Variants in STAM2 observed in about 807,000 individuals in gnomAD.
STAM2 encodes signal transducing adapter molecule 2.
Under a neutral mutation model 65.6 loss-of-function variants are expected in STAM2, and 51 were observed. The observed-to-expected ratio is 0.78, with a 90% CI of 0.62 to 0.98. The LOEUF (loss-of-function observed/expected upper bound fraction) is 0.98. Among genes scored for constraint, STAM2 ranks in the 50% least tolerant of loss-of-function variants. STAM2 has a pLI of 0.00. For missense variants in STAM2, 584 were observed against 617.8 expected (o/e 0.95, Z 0.58); for synonymous variants, 198 against 208.4 (o/e 0.95, Z 0.43).
chr2:152,127,869 T>C (rs976445279), intron 11 of STAM2, among the ~76,000 whole-genome samples: 11 of 152,292 alleles, frequency 7.2e-5, no homozygotes, highest in Non-Finnish European at 1.5e-4. Context: ...AAGCAACCAC[T>C]TTTCATCTGG....
intron 1 of STAM2, among the ~76,000 whole-genome samples, chr2:152,159,477 C>T (rs1270953248): frequency 6.6e-6 from 1 of 152,000 alleles, no homozygotes; most frequent in Non-Finnish European, 1.5e-5. Flanking sequence ...AAACTAAATT[C>T]TTCAAAAATG....
chr2:152,126,362 GA>G lies in STAM2; in HGVS notation c.1042del (p.Ser348LeufsTer3), dbSNP rs1560209836. ...TTCCAGGACTTTAACATTCAATTCA[GA>G]CAATTCTGAATGCTTCCTGATGTAG... Reference protein sequence around the residue: ...EEIDRKHSELSELNVKVLEAL... With the variant: ...EEIDRKHSELXELNVKVLEAL... On this transcript the variant is annotated frameshift_variant, in exon 12 of 14. Coordinates refer to ENST00000263904, the MANE Select transcript of STAM2 (RefSeq NM_005843.6). LOFTEE classifies it high-confidence loss of function. The G allele has an allele frequency of 6.4e-7, 1 of 1,573,790 alleles. No homozygotes were observed. The highest frequency in any genetic ancestry group is 1.4e-5 in the African/African-American group (1 of 73,398).
chr2:152,128,615 G>C (rs1016612195), intron 11 of STAM2, among the ~76,000 whole-genome samples: 2 of 152,094 alleles, frequency 1.3e-5, no homozygotes, highest in Non-Finnish European at 1.5e-5. Context: ...CACAATCCCA[G>C]AGTAATAAGG....
chr2:152,143,064 T>C (rs1365994293), intron 7 of STAM2, among the ~76,000 whole-genome samples: 1 of 152,236 alleles, frequency 6.6e-6, no homozygotes, highest in African/African-American at 2.4e-5. Flanking sequence ...TCCCTTATTT[T>C]ATTCTAGGTT....
intron 7 of STAM2, among the ~76,000 whole-genome samples, chr2:152,141,538 A>T (rs1454444222): frequency 6.6e-6 from 1 of 151,660 alleles, no homozygotes; most frequent in Admixed American, 6.6e-5. Flanking sequence ...TGTCTCAAAT[A>T]AATAAATAAG....
At chr2:152,149,449 GT>G (rs1409076159) in intron 2 of STAM2, among the ~76,000 whole-genome samples, 63 of 150,128 alleles carry the variant, frequency 4.2e-4, no homozygotes, top group Non-Finnish European at 1.8e-4. Flanking sequence ...CCGAAAATCT[GT>G]GTATAACTTT....
At chr2:152,147,618 A>ATCATGGC in intron 4 of STAM2, among the ~76,000 whole-genome samples, 1 of 152,294 alleles carries the variant, frequency 6.6e-6, no homozygotes, top group Non-Finnish European at 1.5e-5. Context: ...CTGGATGTAA[A>ATCATGGC]TCATGGCTAT....
chr2:152,127,889 T>G (rs1158044249), intron 11 of STAM2, among the ~76,000 whole-genome samples: 1 of 152,086 alleles, frequency 6.6e-6, no homozygotes, highest in Non-Finnish European at 1.5e-5. Context: ...GCCTGAAACA[T>G]CCACAAGCCT....
chr2:152,141,677 G>A lies in STAM2; in HGVS notation c.704+2150C>T, dbSNP rs1014251930. 1.1e-4 allele frequency among the ~76,000 whole-genome samples: 16 copies of A among 151,142 alleles called. No homozygotes were observed. In the Middle Eastern group the frequency reaches 0.01, roughly 97 times the overall value. On this transcript the variant is annotated intron_variant, in intron 7 of 13. Transcript: ENST00000263904. ...ACGATCTCGGCTCACTGCAACCTCC[G>A]CCTCCCGGGTTCCAGCGATTCTCCT...
chr2:152,166,539 A>C (rs1689789480), intron 1 of STAM2, among the ~76,000 whole-genome samples: 1 of 152,204 alleles, frequency 6.6e-6, no homozygotes, highest in Non-Finnish European at 1.5e-5. Flanking sequence ...CAGAATGTCA[A>C]TAATTTTCAG....
chr2:152,153,180 A>G (rs760704367), intron 1 of STAM2, among the ~76,000 whole-genome samples: 1 of 152,188 alleles, frequency 6.6e-6, no homozygotes, highest in Non-Finnish European at 1.5e-5. Flanking sequence ...TTCTGCTAGT[A>G]TGGAGAGGTG....
At chr2:152,141,693 C>T (rs980323374) in intron 7 of STAM2, among the ~76,000 whole-genome samples, 6 of 151,536 alleles carry the variant, frequency 4.0e-5, no homozygotes, top group South Asian at 2.1e-4. Flanking sequence ...CGGGTTCCAG[C>T]GATTCTCCTG....
At chr2:152,148,451 C>G in intron 2 of STAM2, 151 bp from the exon 3 acceptor site, 1 of 634,162 alleles carries the variant, frequency 1.6e-6, no homozygotes, top group Non-Finnish European at 2.6e-6. Flanking sequence ...GGGAGGATCA[C>G]TTGAGCCCAT....
Position 152,123,748 on chromosome 2 carries a change from A to C in STAM2, c.1349+18T>G. The stretch of plus-strand genomic sequence containing the variant: ...GAAAATTAACACATATAAAATTAAC[A>C]CAGCTCCCAAAACTTACCTTAAATA... On this transcript the variant is annotated intron_variant, in intron 13 of 13. Transcript: ENST00000263904. 6.2e-7 allele frequency: 1 copy of C among 1,612,552 alleles called. No individual in the cohort carries two copies. The highest frequency in any genetic ancestry group is 8.5e-7 in the Non-Finnish European group (1 of 1,179,094).
chr2:152,159,140 T>C (rs559698695), intron 1 of STAM2, among the ~76,000 whole-genome samples: 2 of 134,182 alleles, frequency 1.5e-5, no homozygotes, highest in African/African-American at 5.7e-5. Flanking sequence ...ATTTTTTTTC[T>C]AAAGCAGAAA....
In STAM2 at chr2:152,126,290, G is replaced by A. The variant is rs556422738; in HGVS notation, c.1115C>T (p.Ser372Leu). ...NKLVNEAPVYSVYSKLHPPAH... is the reference protein window; with the variant it reads ...NKLVNEAPVYLVYSKLHPPAH... ...TGGAGGGTGGAGCTTTGAATAGACTGAGTACACTGGTGCTTCATTCACCAA... is the reference window on the plus strand; with the variant it reads ...TGGAGGGTGGAGCTTTGAATAGACTAAGTACACTGGTGCTTCATTCACCAA... The change falls in exon 12 of 14, where the codon TCA becomes TTA. Residue 372 changes from serine to leucine, a missense_variant. By Grantham distance (145) the Ser-to-Leu change is moderately radical. Transcript: ENST00000263904. 49 of 1,610,318 alleles carry A rather than the reference G, an allele frequency of 3.0e-5. 1 individual carries two copies. The South Asian group carries it at 3.3e-4, about 11-fold the overall frequency.
chr2:152,136,397 C>A (rs1689155194), intron 7 of STAM2, among the ~76,000 whole-genome samples: 1 of 151,458 alleles, frequency 6.6e-6, no homozygotes. Context: ...GAGCTGAAAT[C>A]ACGTCACTGC....
intron 7 of STAM2, among the ~76,000 whole-genome samples, chr2:152,141,580 T>TG (rs1689249005): frequency 1.3e-5 from 2 of 150,904 alleles, no homozygotes; most frequent in African/African-American, 4.9e-5. Flanking sequence ...GCTCAATGTT[T>TG]TTTTGTTTGT....
Position 152,120,730 on chromosome 2 carries a change from T to G in STAM2, c.1422A>C (p.Thr474=), listed in dbSNP as rs1688836446. 6 of 1,614,078 alleles carry G rather than the reference T, an allele frequency of 3.7e-6. No individual in the cohort carries two copies. The highest frequency in any genetic ancestry group is 5.1e-6 in the Non-Finnish European group (6 of 1,180,044). ...QNSNLQSATG[T]TAYTQQMGMS... is the part of the protein sequence containing the mutation. ...TCCCCATTTGCTGTGTGTAAGCAGTTGTACCAGTAGCTGACTGTAGGTTAG... is the reference window on the plus strand; with the variant it reads ...TCCCCATTTGCTGTGTGTAAGCAGTGGTACCAGTAGCTGACTGTAGGTTAG... The change falls in exon 14 of 14, where the codon ACA becomes ACC. Residue 474 remains threonine, a synonymous_variant. Transcript: ENST00000263904.
Sources: gnomAD v4.1 joint callset for allele counts (sites outside exome capture counted in the v4.1 genomes callset) on GRCh38, gnomAD v4.1.1 for gene constraint, MANE v1.5 for transcripts, NCBI Gene and HGNC (gene_info 2026-07-23, HGNC 2026-07-21) for gene names.